Variants in ADCY7 observed in about 807,000 individuals in gnomAD.
ADCY7 encodes the protein adenylate cyclase type 7.
ADCY7 carries 72 observed loss-of-function variants against 120.6 expected under a neutral mutation model. The ratio of observed to expected loss-of-function variants is 0.60; its 90% CI spans 0.49 to 0.73. ADCY7 has a LOEUF of 0.73. Ranked by LOEUF, ADCY7 falls within the 30% of genes least tolerant of loss-of-function variation. ADCY7 has a pLI of 0.00. For missense variants in ADCY7, 1,227 were observed against 1,486.0 expected (o/e 0.83, Z 2.87); for synonymous variants, 661 against 628.0 (o/e 1.05, Z -0.78).
At chr16:50,299,882 C>G (rs1036492952) in intron 8 of ADCY7, among the ~76,000 whole-genome samples, 1 of 152,174 alleles carries the variant, frequency 6.6e-6, no homozygotes, top group African/African-American at 2.4e-5. Context: ...CTGTTCCTGT[C>G]TTGGGCGTCC....
upstream of ADCY7, among the ~76,000 whole-genome samples, chr16:50,261,945 C>T (rs542590156): frequency 1.2e-4 from 19 of 152,096 alleles, no homozygotes; most frequent in Non-Finnish European, 2.4e-4. Context: ...GTTCTCATAT[C>T]CCCTGGCCCC....
At position 50,308,880 on chromosome 16, in the gene ADCY7, T is replaced by C; in HGVS notation, c.2061+88T>C. The C allele has an allele frequency of 2.7e-6, 4 of 1,474,228 alleles. No individual in the cohort carries two copies. In the Admixed American group the frequency reaches 6.6e-5, roughly 24 times the overall value. 91.3% of individuals were successfully genotyped at this position (1,474,228 alleles called of 1,614,324 possible). A position where few individuals can be genotyped will look rare whatever the true frequency, so the allele number is the denominator to read the frequency against. On this transcript the variant is annotated intron_variant, in intron 17 of 25. Transcript: ENST00000673801. ...CTACAATGTGGCCTTAAAAGCTGCCTCTGGTTGTCCTCTCCCCCGAGCTCA... is the reference window on the plus strand; with the variant it reads ...CTACAATGTGGCCTTAAAAGCTGCCCCTGGTTGTCCTCTCCCCCGAGCTCA...
In ADCY7 at chr16:50,300,860, G is replaced by A. The variant is rs1211082761; in HGVS notation, c.1222G>A (p.Ala408Thr). 6.4e-7 allele frequency: 1 copy of A among 1,557,202 alleles called. No individual in the cohort carries two copies. The highest frequency in any genetic ancestry group is 8.7e-7 in the Non-Finnish European group (1 of 1,150,218). ...DVSLANRMEA[A>T]GVPGRVHITE... is the part of the protein sequence containing the mutation. ...GTCCCTGGCCAACCGGATGGAGGCA[G>A]CCGGAGTACCCGGGTGAGGCTGGGC... Residue 408 changes from alanine to threonine, a missense_variant, in exon 9 of 26, where the codon GCC becomes ACC. Ala to Thr is a moderately conservative substitution (Grantham distance 58, BLOSUM62 0). Transcript: ENST00000673801.
Position 50,301,160 on chromosome 16 carries a change from G to A in ADCY7, c.1314G>A (p.Arg438=). 6.2e-7 allele frequency: 1 copy of A among 1,613,108 alleles called. No homozygotes were observed. Among genetic ancestry groups the A allele is most frequent in the South Asian group, 1.1e-5 (1 of 90,912 alleles). Residue 438 remains arginine, a synonymous_variant, in exon 10 of 26, where the codon CGG becomes CGA. Transcript: ENST00000673801. Reference sequence around the variant, plus strand: ...TGGAGGATGGGCACGGGCAGCAGCGGGACCCCTACCTCAAGGAGATGAACA... The same window carrying A: ...TGGAGGATGGGCACGGGCAGCAGCGAGACCCCTACCTCAAGGAGATGAACA... ...YEVEDGHGQQ[R]DPYLKEMNIR... is the part of the protein sequence containing the mutation.
chr16:50,253,164 G>A (rs2032809765), intron 1 of ADCY7, among the ~76,000 whole-genome samples: 1 of 152,212 alleles, frequency 6.6e-6, no homozygotes, highest in Non-Finnish European at 1.5e-5. Context: ...CGCAGTTAGA[G>A]AGCTGCACTA....
chr16:50,311,700 C>T lies in ADCY7; in HGVS notation c.2362C>T (p.Pro788Ser), dbSNP rs750862842. The T allele has an allele frequency of 6.2e-7, 1 of 1,613,454 alleles. No individual in the cohort carries two copies. Among genetic ancestry groups the T allele is most frequent in the Non-Finnish European group, 8.5e-7 (1 of 1,179,430 alleles). ...TKPNGTTSGT[P>S]SCSWKDLKTM... ...GCCTCCCTTCGCATTCAGTGGCACC[C>T]CTAGCTGTTCCTGGAAGGACCTGAA... Residue 788 changes from proline (P) to serine (S), a missense_variant, in exon 20 of 26, where the codon CCT becomes TCT. By Grantham distance (74) the Pro-to-Ser change is moderately conservative. Around this residue, in one of 5 missense-constraint regions of ADCY7, gnomAD observed 267 missense variants for 270.0 expected, o/e 0.99. Coordinates refer to ENST00000673801, the MANE Select transcript of ADCY7 (RefSeq NM_001114.5).
intron 1 of ADCY7, among the ~76,000 whole-genome samples, chr16:50,247,968 C>G (rs1192475296): frequency 6.6e-6 from 1 of 152,158 alleles, no homozygotes; most frequent in Non-Finnish European, 1.5e-5. Flanking sequence ...ATTTCCCAGG[C>G]CCTTACAAAG....
At chr16:50,261,618 C>T (rs1204877998), upstream of ADCY7, among the ~76,000 whole-genome samples, 2 of 150,836 alleles carry the variant, frequency 1.3e-5, no homozygotes, top group Non-Finnish European at 3.0e-5. Context: ...TGTGCCTTGT[C>T]GGCATTTCTC....
rs1254233967 is a variant in ADCY7 at position 50,305,006 on chromosome 16, C to T, written c.1595+47C>T. On this transcript the variant is annotated intron_variant, in intron 12 of 25. Transcript: ENST00000673801. The stretch of plus-strand genomic sequence containing the variant: ...CCAAGTCCTGCTGCAGCCACCTCCT[C>T]CAAGCAGGCTGCCCTGAGCAGCCTC... The T allele has an allele frequency of 6.8e-6, 11 of 1,610,350 alleles. No homozygotes were observed. The South Asian group carries it at 1.2e-4, about 18-fold the overall frequency.
In ADCY7 at chr16:50,289,480, C is replaced by CA. The variant is rs1373129568; in HGVS notation, c.172-969dup. Among the ~76,000 whole-genome samples the CA allele has an allele frequency of 1.6e-4, 25 of 151,722 alleles. No individual in the cohort carries two copies. The East Asian group carries it at 4.2e-3, about 26-fold the overall frequency. ...AATGTGACTGAGGAACTGCATTTTT[C>CA]AAAAAAAAGAGTTTTGCTCTTATTG... On this transcript the variant is annotated intron_variant, in intron 2 of 25. Coordinates refer to ENST00000673801, the MANE Select transcript of ADCY7 (RefSeq NM_001114.5).
At position 50,301,284 on chromosome 16, in the gene ADCY7, C is replaced by T. The variant is rs897012555; in HGVS notation, c.1368+70C>T. ...TGGAGGGGCCCTGGAGAGCCTGGCCCGCACCTTGGAGGAAACCCCCATGTG... is the reference window on the plus strand; with the variant it reads ...TGGAGGGGCCCTGGAGAGCCTGGCCTGCACCTTGGAGGAAACCCCCATGTG... On this transcript the variant is annotated intron_variant, in intron 10 of 25. Coordinates refer to ENST00000673801, the MANE Select transcript of ADCY7 (RefSeq NM_001114.5). 9.3e-6 allele frequency: 14 copies of T among 1,505,690 alleles called. No individual in the cohort carries two copies. The African/African-American group carries it at 1.3e-4, about 14-fold the overall frequency. The allele number at this position is 1,505,690 out of a possible 1,614,324, so 93.3% of individuals were successfully genotyped here. A position where few individuals can be genotyped will look rare whatever the true frequency, so the allele number is the denominator to read the frequency against.
chr16:50,305,000 C>T, intron 12 of ADCY7, 41 bp downstream of exon 12: 2 of 1,611,724 alleles, frequency 1.2e-6, no homozygotes, highest in Non-Finnish European at 1.7e-6. Flanking sequence ...GCTGCAGCCA[C>T]CTCCTCCAAG....
intron 1 of ADCY7, among the ~76,000 whole-genome samples, chr16:50,282,751 G>A (rs2150912740): frequency 6.8e-6 from 1 of 146,938 alleles, no homozygotes; most frequent in East Asian, 2.0e-4. Flanking sequence ...CTATCACCCA[G>A]GCAGGAGTGC....
At position 50,297,842 on chromosome 16, in the gene ADCY7, T is replaced by C. The variant is rs1214971904; in HGVS notation, c.949-1062T>C. 6.6e-6 allele frequency among the ~76,000 whole-genome samples: 1 copy of C among 152,132 alleles called. No individual in the cohort carries two copies. Among genetic ancestry groups the C allele is most frequent in the African/African-American group, 2.4e-5 (1 of 41,424 alleles). ...GAAGCCAGAGCACAGGGCCACCTGCTGGGGCGTCCAGTCCGAGGGTCAGCT... is the reference window on the plus strand; with the variant it reads ...GAAGCCAGAGCACAGGGCCACCTGCCGGGGCGTCCAGTCCGAGGGTCAGCT... On this transcript the variant is annotated intron_variant, in intron 7 of 25. Transcript: ENST00000673801. This position sits in a 1 kb window ranked among gnomAD's most constrained non-coding sequence, Gnocchi z 4.4.
intron 2 of ADCY7, chr16:50,289,224 C>T (rs750263334): frequency 8.0e-5 from 28 of 347,842 alleles, no homozygotes; most frequent in South Asian, 5.8e-4. Context: ...TTTGTAGAGA[C>T]ATGGCCTCGC....
At position 50,291,909 on chromosome 16, in the gene ADCY7, G is replaced by A; in HGVS notation, c.537+12G>A. 6.3e-7 allele frequency: 1 copy of A among 1,598,334 alleles called. No individual in the cohort carries two copies. The highest frequency in any genetic ancestry group is 1.7e-5 in the Admixed American group (1 of 58,808). On this transcript the variant is annotated intron_variant, in intron 4 of 25. Transcript: ENST00000673801. ...GGGTGGGGCTGCAGGTGAGGGATGG[G>A]CTAAGGCCTCTGGGGGAGGTTTTGT... is the stretch of plus-strand genomic sequence containing the variant.
Position 50,312,975 on chromosome 16 carries a change from T to C in ADCY7, c.2690T>C (p.Val897Ala), listed in dbSNP as rs2036569650. The C allele has an allele frequency of 6.2e-7, 1 of 1,614,198 alleles. No homozygotes were observed. Among genetic ancestry groups the C allele is most frequent in the Non-Finnish European group, 8.5e-7 (1 of 1,180,042 alleles). Residue 897 changes from valine to alanine, a missense_variant, in exon 22 of 26, where the codon GTC becomes GCC. Val to Ala is a moderately conservative substitution (Grantham distance 64). Around this residue, in one of 5 missense-constraint regions of ADCY7, gnomAD observed 244 missense variants for 332.8 expected, o/e 0.73. Coordinates refer to ENST00000673801, the MANE Select transcript of ADCY7 (RefSeq NM_001114.5). Reference sequence around the variant, plus strand: ...AAAGTGTTCTACACAGAGTGCGATGTCAACAAAGAAGGGCTGGAGTGCCTA... The same window carrying C: ...AAAGTGTTCTACACAGAGTGCGATGCCAACAAAGAAGGGCTGGAGTGCCTA... The part of the protein sequence containing the change: ...DFKVFYTECD[V>A]NKEGLECLRL...
In ADCY7 at chr16:50,310,600, G is replaced by A. The variant is rs148330635; in HGVS notation, c.2161-87G>A. On this transcript the variant is annotated intron_variant, in intron 18 of 25. Transcript: ENST00000673801. ...GCAAGAGCGTGATGCTGAGGTGCAGGGAGTGGGGCTCTGTGGTATGTGCTG... is the reference window on the plus strand; with the variant it reads ...GCAAGAGCGTGATGCTGAGGTGCAGAGAGTGGGGCTCTGTGGTATGTGCTG... The A allele has an allele frequency of 4.7e-3, 7,541 of 1,599,012 alleles. 22 individuals are homozygous for A. The highest frequency in any genetic ancestry group is 0.012 in the African/African-American group (865 of 74,624).
At chr16:50,257,721 A>T (rs555758701) in intron 1 of ADCY7, among the ~76,000 whole-genome samples, 171 of 150,928 alleles carry the variant, frequency 1.1e-3, no homozygotes, top group African/African-American at 3.9e-3. Context: ...ATATATATAT[A>T]TTTATATTTT....
Sources: gnomAD v4.1 joint callset for allele counts (sites outside exome capture counted in the v4.1 genomes callset) on GRCh38, gnomAD v4.1.1 for gene constraint, gnomAD v4.1.1 regional missense constraint, Gnocchi (gnomAD v3.1) non-coding constraint, MANE v1.5 for transcripts, NCBI Gene and HGNC (gene_info 2026-07-23, HGNC 2026-07-21) for gene names.